The following TMEM232 variants were observed in gnomAD, a reference collection of about 807,000 sequenced individuals.
TMEM232 encodes transmembrane protein 232.
In TMEM232, 80 loss-of-function variants were observed where a neutral mutation model predicts 78.8. The ratio of observed to expected loss-of-function variants is 1.01; its 90% CI spans 0.85 to 1.22. The LOEUF (loss-of-function observed/expected upper bound fraction) is 1.22, where lower values mean the gene tolerates loss of function less well. Among genes scored for constraint, TMEM232 ranks in the 50% most tolerant of loss-of-function variants. TMEM232 has a pLI of 0.00. For missense variants in TMEM232, 881 were observed against 742.2 expected, an observed-to-expected ratio of 1.19 and a Z score of -2.17; for synonymous variants, 297 against 254.3, an observed-to-expected ratio of 1.17 and a Z score of -1.60.
chr5:110,605,189 T>A lies in TMEM232; in HGVS notation c.1196A>T (p.Asp399Val). ...KSSQKNILYL[D>V]KSVPPELKET... ...CTTTAATTCTGGAGGTACTGATTTGTCCAAGTATAAAATATTTTTTTGTGA... is the reference window on the plus strand; with the variant it reads ...CTTTAATTCTGGAGGTACTGATTTGACCAAGTATAAAATATTTTTTTGTGA... The change falls in exon 10 of 14, where the codon GAC becomes GTC. Residue 399 changes from aspartate to valine, a missense_variant. Coordinates refer to ENST00000455884, the MANE Select transcript of TMEM232 (RefSeq NM_001039763.4). The A allele has an allele frequency of 6.4e-7, 1 of 1,551,028 alleles. No homozygotes were observed. Among genetic ancestry groups the A allele is most frequent in the Non-Finnish European group, 8.7e-7 (1 of 1,146,584 alleles).
At chr5:110,443,100 A>G (rs1196182894) in intron 12 of TMEM232, among the ~76,000 whole-genome samples, 1 of 152,104 alleles carries the variant, frequency 6.6e-6, no homozygotes. Flanking sequence ...ACCTATGTTC[A>G]TTCAAGGCCG....
intron 12 of TMEM232, among the ~76,000 whole-genome samples, chr5:110,431,037 C>T (rs1757778646): frequency 6.6e-6 from 1 of 151,380 alleles, no homozygotes; most frequent in Non-Finnish European, 1.5e-5. Flanking sequence ...CTTGAGAAGC[C>T]AGGAGAGTAC....
chr5:110,408,883 A>AG (rs1289787197), intron 2 of TMEM232, among the ~76,000 whole-genome samples: 1 of 152,170 alleles, frequency 6.6e-6, no homozygotes, highest in African/African-American at 2.4e-5. Context: ...TCACAGGTGG[A>AG]GGATGAGAGC....
intron 1 of TMEM232, among the ~76,000 whole-genome samples, chr5:110,687,640 G>C (rs1047641920): frequency 3.3e-5 from 5 of 152,000 alleles, no homozygotes; most frequent in Non-Finnish European, 7.4e-5. Context: ...GGGAAAAAAA[G>C]GTAGTTTTGG....
rs549442242 is a variant in TMEM232 at position 110,501,026 on chromosome 5, GA to G, written c.1703+27561del. ...CAAAATCTTCTTCACTTTTTTTAAG[GA>G]ATGTGCATTTTATTTCTAGAATAAA... On this transcript the variant is annotated intron_variant, in intron 12 of 13. Coordinates refer to ENST00000455884, the MANE Select transcript of TMEM232 (RefSeq NM_001039763.4). Among the ~76,000 whole-genome samples, 6 of 152,186 alleles carry G rather than the reference GA, an allele frequency of 3.9e-5. No homozygotes were observed. In the South Asian group the frequency reaches 1.0e-3, roughly 26 times the overall value.
intron 11 of TMEM232, among the ~76,000 whole-genome samples, chr5:110,537,012 G>C (rs568113281): frequency 6.6e-6 from 1 of 152,264 alleles, no homozygotes; most frequent in South Asian, 2.1e-4. Flanking sequence ...GACAGACTAA[G>C]ACAGGGCTCA....
chr5:110,658,882 G>C (rs1789432939), intron 2 of TMEM232, among the ~76,000 whole-genome samples: 1 of 152,158 alleles, frequency 6.6e-6, no homozygotes, highest in Non-Finnish European at 1.5e-5. Context: ...TAGTCTGACA[G>C]ATTCATCTTA....
chr5:110,666,070 C>T (rs1790548221), intron 2 of TMEM232, among the ~76,000 whole-genome samples: 2 of 152,084 alleles, frequency 1.3e-5, no homozygotes, highest in South Asian at 4.1e-4. Flanking sequence ...GCCTGGATGA[C>T]CCTGTCTCTA....
At chr5:110,391,182 C>T (rs1755165627) in intron 3 of TMEM232, among the ~76,000 whole-genome samples, 1 of 152,010 alleles carries the variant, frequency 6.6e-6, no homozygotes, top group Non-Finnish European at 1.5e-5. Flanking sequence ...TGTCCTGAGG[C>T]TAATAAGCAT....
intron 1 of TMEM232, among the ~76,000 whole-genome samples, chr5:110,702,787 C>G (rs1490725806): frequency 6.6e-6 from 1 of 151,976 alleles, no homozygotes; most frequent in African/African-American, 2.4e-5. Flanking sequence ...TCATAGAAAG[C>G]AATCCCTTAC....
At chr5:110,523,048 T>C (rs1158389445) in intron 12 of TMEM232, among the ~76,000 whole-genome samples, 2 of 152,198 alleles carry the variant, frequency 1.3e-5, no homozygotes, top group Non-Finnish European at 2.9e-5. Flanking sequence ...TTTTCATCAC[T>C]GGGAAGTTTT....
At chr5:110,479,118 A>C (rs923115228) in intron 12 of TMEM232, among the ~76,000 whole-genome samples, 2 of 151,600 alleles carry the variant, frequency 1.3e-5, no homozygotes, top group African/African-American at 2.4e-5. Context: ...CTTTCCCCCT[A>C]AAATATTCAA....
chr5:110,643,669 A>G (rs528354050), intron 2 of TMEM232, among the ~76,000 whole-genome samples: 134 of 152,144 alleles, frequency 8.8e-4, no homozygotes, highest in African/African-American at 3.2e-3. Flanking sequence ...AACATTTTAA[A>G]TTACTGTATT....
At chr5:110,391,492 C>G (rs556153522) in intron 3 of TMEM232, among the ~76,000 whole-genome samples, 2 of 152,036 alleles carry the variant, frequency 1.3e-5, no homozygotes, top group African/African-American at 4.8e-5. Context: ...TAGAATTTAT[C>G]ATGTAACAGA....
At chr5:110,697,372 C>G (rs1314457564) in intron 1 of TMEM232, among the ~76,000 whole-genome samples, 1 of 152,138 alleles carries the variant, frequency 6.6e-6, no homozygotes, top group African/African-American at 2.4e-5. Flanking sequence ...CAATATCATT[C>G]AGGACATAGG....
At chr5:110,690,381 C>T (rs184354787) in intron 1 of TMEM232, among the ~76,000 whole-genome samples, 1 of 152,194 alleles carries the variant, frequency 6.6e-6, no homozygotes, top group Non-Finnish European at 1.5e-5. Context: ...AAAGGCTCAT[C>T]ATCACTGGTC....
At chr5:110,712,447 A>G (rs932936667) in intron 1 of TMEM232, among the ~76,000 whole-genome samples, 1 of 152,034 alleles carries the variant, frequency 6.6e-6, no homozygotes, top group Admixed American at 6.6e-5. Flanking sequence ...ATCTGAATAG[A>G]TATTTTTCAA....
chr5:110,416,415 T>C (rs1756213858), downstream of TMEM232, among the ~76,000 whole-genome samples: 1 of 152,222 alleles, frequency 6.6e-6, no homozygotes, highest in Non-Finnish European at 1.5e-5. Flanking sequence ...TTCTTATTTA[T>C]TTTACTTCAG....
At position 110,528,631 on chromosome 5, in the gene TMEM232, T is replaced by C; in HGVS notation, c.1660A>G (p.Lys554Glu). Residue 554 changes from lysine to glutamate, a missense_variant, in exon 12 of 14, where the codon AAG becomes GAG. Physicochemically the swap from Lys to Glu is moderately conservative, Grantham distance 56. Transcript: ENST00000455884. ...ACTTGCTTTTTCACAGACTCCAGCT[T>C]TTTATTTGGATATTTTGTTTGATCC... is the stretch of plus-strand genomic sequence containing the variant. Reference protein sequence around the residue: ...KKDQTKYPNKKLESVKKQVLH... With the variant: ...KKDQTKYPNKELESVKKQVLH... The C allele has an allele frequency of 6.5e-7, 1 of 1,533,414 alleles. No homozygotes were observed. Among genetic ancestry groups the C allele is most frequent in the Non-Finnish European group, 8.7e-7 (1 of 1,145,480 alleles). The allele number at this position is 1,533,414 out of a possible 1,614,324, so 95.0% of individuals were successfully genotyped here.
Sources: allele counts gnomAD v4.1 joint callset (sites outside exome capture counted in the v4.1 genomes callset), GRCh38; gene constraint gnomAD v4.1.1; transcripts MANE v1.5; gene names NCBI Gene and HGNC (gene_info 2026-07-23, HGNC 2026-07-21).